The following SLC71A2 variants were observed in gnomAD, a reference collection of about 807,000 sequenced individuals.
SLC71A2 encodes solute carrier family 71 member 2, also known as hippocampus abundant transcript-like 1.
the SLC71A2 span, among the ~76,000 whole-genome samples, chr9:94,446,008 C>T: frequency 6.6e-6 from 1 of 152,162 alleles, no homozygotes; most frequent in Admixed American, 6.5e-5. Context: ...GTTAGGCTTC[C>T]CACCTTCCTT....
At chr9:94,383,035 A>G in the SLC71A2 span, among the ~76,000 whole-genome samples, 8 of 151,862 alleles carry the variant, frequency 5.3e-5, no homozygotes, top group East Asian at 1.9e-4. Flanking sequence ...AGATTTTACA[A>G]TTGGGTTTGT....
the SLC71A2 span, among the ~76,000 whole-genome samples, chr9:94,452,654 T>TATTTTCATATATATATTCATATAC: frequency 1.5e-5 from 1 of 64,920 alleles, no homozygotes; most frequent in Non-Finnish European, 2.8e-5. Context: ...TATTCATATA[T>TATTTTCATATATATATTCATATAC]ATTCATATAT....
chr9:94,408,233 T>C, the SLC71A2 span, among the ~76,000 whole-genome samples: 1 of 152,212 alleles, frequency 6.6e-6, no homozygotes, highest in African/African-American at 2.4e-5. Flanking sequence ...CCATCGTAGG[T>C]TGAATATATC....
At chr9:94,432,720 T>C in the SLC71A2 span, 2 of 322,614 alleles carry the variant, frequency 6.2e-6, no homozygotes, top group East Asian at 1.5e-4. Flanking sequence ...GGACGAATGA[T>C]GCCAAACTTT....
At chr9:94,384,398 G>A in the SLC71A2 span, among the ~76,000 whole-genome samples, 2 of 151,120 alleles carry the variant, frequency 1.3e-5, no homozygotes, top group East Asian at 3.9e-4. Flanking sequence ...GAGTGCAGTG[G>A]CATGATCACG....
chr9:94,386,795 C>T, the SLC71A2 span, among the ~76,000 whole-genome samples: 1 of 152,184 alleles, frequency 6.6e-6, no homozygotes. Context: ...CCTTTATTGC[C>T]TGGCATCCAG....
chr9:94,422,567 T>G, the SLC71A2 span, among the ~76,000 whole-genome samples: 1 of 152,202 alleles, frequency 6.6e-6, no homozygotes, highest in African/African-American at 2.4e-5. Flanking sequence ...AGCATCACTA[T>G]GTAGTGCTAA....
At chr9:94,424,203 A>G in the SLC71A2 span, among the ~76,000 whole-genome samples, 2 of 151,250 alleles carry the variant, frequency 1.3e-5, no homozygotes, top group Admixed American at 6.6e-5. Context: ...TGCCAACACC[A>G]TCCTGTGTTA....
At chr9:94,406,553 A>G in the SLC71A2 span, among the ~76,000 whole-genome samples, 1 of 152,062 alleles carries the variant, frequency 6.6e-6, no homozygotes, top group South Asian at 2.1e-4. Context: ...TTTGATTATT[A>G]GTAGAGACAA....
At chr9:94,402,131 A>G in the SLC71A2 span, among the ~76,000 whole-genome samples, 1 of 152,134 alleles carries the variant, frequency 6.6e-6, no homozygotes, top group Non-Finnish European at 1.5e-5. Context: ...TATGACCTGT[A>G]TCTTGTGCTC....
the SLC71A2 span, chr9:94,453,978 G>A: frequency 2.5e-6 from 4 of 1,613,622 alleles, no homozygotes; most frequent in South Asian, 4.4e-5. Context: ...TTAGCATCTT[G>A]ATGAGATCAT....
the SLC71A2 span, among the ~76,000 whole-genome samples, chr9:94,380,127 C>T: frequency 1.3e-5 from 2 of 152,086 alleles, no homozygotes; most frequent in Non-Finnish European, 2.9e-5. Context: ...ATTAGCCAGG[C>T]GTGGTGGTGG....
At chr9:94,435,104 CATT>C in the SLC71A2 span, among the ~76,000 whole-genome samples, 2 of 152,294 alleles carry the variant, frequency 1.3e-5, no homozygotes, top group South Asian at 4.2e-4. Context: ...TGTGGTCAAT[CATT>C]ATAATTACTG....
the SLC71A2 span, among the ~76,000 whole-genome samples, chr9:94,399,159 T>A: frequency 6.6e-6 from 1 of 152,182 alleles, no homozygotes; most frequent in East Asian, 1.9e-4. Flanking sequence ...ACTCAGTCTG[T>A]ACAGAAACAG....
the SLC71A2 span, among the ~76,000 whole-genome samples, chr9:94,401,877 G>T: frequency 6.6e-6 from 1 of 152,198 alleles, no homozygotes; most frequent in Admixed American, 6.5e-5. Context: ...AGCCCTGAGG[G>T]CTGCTGGTGC....
the SLC71A2 span, chr9:94,415,204 T>C: frequency 1.2e-6 from 2 of 1,614,006 alleles, no homozygotes; most frequent in East Asian, 2.2e-5. Flanking sequence ...GCTATTGTCA[T>C]CTTCCTTGAA....
At chr9:94,458,715 G>A in the SLC71A2 span, among the ~76,000 whole-genome samples, 1 of 152,074 alleles carries the variant, frequency 6.6e-6, no homozygotes, top group African/African-American at 2.4e-5. Flanking sequence ...ACTATTCTCT[G>A]GATAAGCCCA....
chr9:94,417,295 G>GA, the SLC71A2 span, among the ~76,000 whole-genome samples: 1 of 151,950 alleles, frequency 6.6e-6, no homozygotes, highest in East Asian at 1.9e-4. Context: ...GGGTATCTGT[G>GA]ACCACCATCC....
chr9:94,423,424 A>T, the SLC71A2 span, among the ~76,000 whole-genome samples: 6 of 152,178 alleles, frequency 3.9e-5, no homozygotes, highest in Admixed American at 3.9e-4. Flanking sequence ...GGAAAAAGAC[A>T]TAGGTCTACC....
Sources: allele counts gnomAD v4.1 joint callset (sites outside exome capture counted in the v4.1 genomes callset), GRCh38; gene constraint gnomAD v4.1.1; transcripts MANE v1.5; gene names NCBI Gene and HGNC (gene_info 2026-07-23, HGNC 2026-07-21).